CSMD1: variants seen among roughly 807,000 people sequenced by gnomAD.
The protein encoded by CSMD1 is CUB and Sushi multiple domains 1.
Under a neutral mutation model 417.5 loss-of-function variants are expected in CSMD1, and 213 were observed. The ratio of observed to expected loss-of-function variants is 0.51; its 90% confidence interval spans 0.46 to 0.57. The LOEUF (loss-of-function observed/expected upper bound fraction) is 0.57, where lower values mean the gene tolerates loss of function less well. Among genes scored for constraint, CSMD1 ranks in the 20% least tolerant of loss-of-function variants. The probability of loss-of-function intolerance (pLI) is 0.00; values close to 1 mark genes in which losing one functional copy is unlikely to be tolerated. For synonymous variants in CSMD1, 2,862 were observed against 1,736.8 expected (o/e 1.65, Z -16.11); for missense variants, 6,923 against 4,529.7 (o/e 1.53, Z -15.17).
At chr8:4,474,875 T>G (rs1800716806) in intron 2 of CSMD1, among the ~76,000 whole-genome samples, 1 of 152,196 alleles carries the variant, frequency 6.6e-6, no homozygotes, top group African/African-American at 2.4e-5. Flanking sequence ...TTCTTAACAT[T>G]ATTTTCTCTA....
intron 2 of CSMD1, among the ~76,000 whole-genome samples, chr8:4,581,495 G>C (rs1338052708): frequency 2.0e-5 from 3 of 152,110 alleles, no homozygotes; most frequent in Non-Finnish European, 4.4e-5. Context: ...ATCTTATGTA[G>C]AAAAAGGGTT....
intron 54 of CSMD1, among the ~76,000 whole-genome samples, chr8:2,992,327 A>T (rs1806467784): frequency 6.6e-6 from 1 of 152,146 alleles, no homozygotes; most frequent in Non-Finnish European, 1.5e-5. Context: ...TGGGAACTAG[A>T]CAGAGGTGAT....
chr8:4,977,550 G>T (rs958532124), intron 1 of CSMD1, among the ~76,000 whole-genome samples: 1 of 152,170 alleles, frequency 6.6e-6, no homozygotes, highest in Non-Finnish European at 1.5e-5. Context: ...GGAACACAGC[G>T]CACAGTGGCT....
intron 1 of CSMD1, among the ~76,000 whole-genome samples, chr8:4,719,555 T>G (rs1214211999): frequency 6.6e-6 from 1 of 151,794 alleles, no homozygotes; most frequent in Non-Finnish European, 1.5e-5. Flanking sequence ...CAAACTTATT[T>G]TTAAGAATTA....
At chr8:4,790,720 A>C (rs923856585) in intron 1 of CSMD1, among the ~76,000 whole-genome samples, 8 of 152,208 alleles carry the variant, frequency 5.3e-5, no homozygotes, top group East Asian at 1.9e-4. Context: ...CAGCAAAAAG[A>C]AGCAACCAGG....
intron 50 of CSMD1, among the ~76,000 whole-genome samples, chr8:3,042,763 C>T (rs528990017): frequency 6.6e-6 from 1 of 152,060 alleles, no homozygotes. Flanking sequence ...GTGCCTGGTG[C>T]TCATAGACAT....
At chr8:3,999,140 T>C (rs999684869) in intron 4 of CSMD1, among the ~76,000 whole-genome samples, 2 of 151,896 alleles carry the variant, frequency 1.3e-5, no homozygotes, top group African/African-American at 4.8e-5. Context: ...CCTTCCCTCC[T>C]TTCTTTCTTC....
chr8:4,193,884 G>C (rs568167777), intron 3 of CSMD1, among the ~76,000 whole-genome samples: 35 of 151,964 alleles, frequency 2.3e-4, no homozygotes, highest in African/African-American at 8.0e-4. Context: ...CAGCAGAACT[G>C]GCCACCTCCA....
intron 2 of CSMD1, among the ~76,000 whole-genome samples, chr8:4,446,757 G>GTGTGTGTGTC (rs1798828128): frequency 3.8e-5 from 1 of 26,260 alleles, no homozygotes; most frequent in African/African-American, 1.3e-4. Flanking sequence ...GTGTGTGTCT[G>GTGTGTGTGTC]TGTGTGTGTG....
At chr8:4,294,499 G>A (rs917561142) in intron 3 of CSMD1, among the ~76,000 whole-genome samples, 1 of 152,028 alleles carries the variant, frequency 6.6e-6, no homozygotes, top group South Asian at 2.1e-4. Flanking sequence ...TTAACCTCAG[G>A]ATAATGCCAT....
intron 5 of CSMD1, among the ~76,000 whole-genome samples, chr8:3,985,798 C>G (rs1049006906): frequency 1.3e-5 from 2 of 150,548 alleles, no homozygotes. Flanking sequence ...CCCTGTCGCC[C>G]AGATTGGACA....
chr8:3,012,987 C>G (rs768205187), intron 52 of CSMD1, among the ~76,000 whole-genome samples: 5 of 152,226 alleles, frequency 3.3e-5, no homozygotes, highest in Non-Finnish European at 4.4e-5. Context: ...CACACGCTCT[C>G]TTGCCTGTCA....
intron 3 of CSMD1, among the ~76,000 whole-genome samples, chr8:4,398,795 A>G (rs111653701): frequency 6.6e-6 from 1 of 152,202 alleles, no homozygotes; most frequent in Non-Finnish European, 1.5e-5. Flanking sequence ...TCTTTCACCT[A>G]TGAATGACCC....
At chr8:3,647,102 T>A (rs1441369905) in intron 7 of CSMD1, among the ~76,000 whole-genome samples, 1 of 152,134 alleles carries the variant, frequency 6.6e-6, no homozygotes, top group Non-Finnish European at 1.5e-5. Flanking sequence ...GTCATGGCAA[T>A]GAAAATCCCA....
intron 22 of CSMD1, among the ~76,000 whole-genome samples, chr8:3,346,047 A>C (rs914567198): frequency 6.6e-6 from 1 of 152,204 alleles, no homozygotes; most frequent in Admixed American, 6.5e-5. Flanking sequence ...GCGAAGGATC[A>C]ATGTGAACAG....
At chr8:3,877,116 G>T (rs2975353) in intron 5 of CSMD1, among the ~76,000 whole-genome samples, 13,505 of 152,140 alleles carry the variant, frequency 0.089, 1,985 homozygotes, top group African/African-American at 0.31. Context: ...GCAACTCCTC[G>T]GTGAAGCAGG....
intron 46 of CSMD1, among the ~76,000 whole-genome samples, chr8:3,098,312 G>A (rs1167364139): frequency 5.3e-5 from 8 of 152,186 alleles, no homozygotes; most frequent in South Asian, 2.1e-4. Context: ...TACATTTCAA[G>A]ATAGAAGCTT....
intron 12 of CSMD1, among the ~76,000 whole-genome samples, chr8:3,450,604 G>C (rs1479436987): frequency 6.6e-6 from 1 of 151,646 alleles, no homozygotes; most frequent in African/African-American, 2.4e-5. Context: ...TGAGAATCAT[G>C]GTTTCCAGCT....
chr8:4,672,635 ATAAC>A (rs1805399146), intron 1 of CSMD1, among the ~76,000 whole-genome samples: 2 of 152,106 alleles, frequency 1.3e-5, no homozygotes, highest in East Asian at 3.9e-4. Flanking sequence ...AAAGAATAAA[ATAAC>A]AAATAATGCC....
Sources: gnomAD v4.1 joint callset for allele counts (sites outside exome capture counted in the v4.1 genomes callset) on GRCh38, gnomAD v4.1.1 for gene constraint, MANE v1.5 for transcripts, NCBI Gene and HGNC (gene_info 2026-07-23, HGNC 2026-07-21) for gene names.